Variants in PDE4D observed in about 807,000 individuals in gnomAD.
PDE4D encodes the protein phosphodiesterase 4D, also known as 3',5'-cyclic-AMP phosphodiesterase 4D.
A neutral mutation model predicts 87.4 loss-of-function variants in PDE4D; 24 were observed. That is an observed-to-expected ratio of 0.27 (90% CI 0.20 to 0.39). PDE4D has a LOEUF of 0.39. Ranked by LOEUF, PDE4D falls within the 10% of genes least tolerant of loss-of-function variation. The pLI is 1.00. For missense variants in PDE4D, 714 were observed against 1,041.0 expected (o/e 0.69, Z 4.32); for synonymous variants, 384 against 383.2 (o/e 1.00, Z -0.02).
intron 2 of PDE4D, among the ~76,000 whole-genome samples, chr5:60,051,330 TAACA>T (rs1301785886): frequency 2.6e-5 from 4 of 152,142 alleles, no homozygotes; most frequent in Admixed American, 6.5e-5. Context: ...ACAGAAATCA[TAACA>T]AACAGTCTCT....
At chr5:59,417,509 AT>A (rs1793807258) in intron 1 of PDE4D, among the ~76,000 whole-genome samples, 1 of 152,124 alleles carries the variant, frequency 6.6e-6, no homozygotes, top group Non-Finnish European at 1.5e-5. Context: ...CCAGTAAGAA[AT>A]GTTTGGTTAA....
intron 1 of PDE4D, among the ~76,000 whole-genome samples, chr5:59,228,785 T>C (rs2153515534): frequency 6.6e-6 from 1 of 152,290 alleles, no homozygotes; most frequent in South Asian, 2.1e-4. Context: ...TCTAATCTCA[T>C]CTTTACCTAC....
intron 1 of PDE4D, among the ~76,000 whole-genome samples, chr5:59,725,264 T>C (rs1372624742): frequency 6.6e-6 from 1 of 152,096 alleles, no homozygotes; most frequent in Non-Finnish European, 1.5e-5. Context: ...GCCTTTGCAT[T>C]CTCCACACTG....
intron 1 of PDE4D, among the ~76,000 whole-genome samples, chr5:60,240,013 T>C (rs1243390958): frequency 6.6e-6 from 1 of 152,142 alleles, no homozygotes; most frequent in East Asian, 1.9e-4. Flanking sequence ...AGGGATTATT[T>C]CCAATATACT....
intron 1 of PDE4D, among the ~76,000 whole-genome samples, chr5:59,316,581 AAGG>A (rs1345979537): frequency 6.6e-6 from 1 of 152,192 alleles, no homozygotes; most frequent in South Asian, 2.1e-4. Context: ...ACATGTTCAG[AAGG>A]AGAAGTGGAA....
chr5:59,161,645 A>G (rs923843410), intron 5 of PDE4D, among the ~76,000 whole-genome samples: 8 of 152,186 alleles, frequency 5.3e-5, no homozygotes, highest in African/African-American at 1.9e-4. Context: ...CTTTCAGGTT[A>G]AATTTTAAAG....
chr5:60,496,811 C>G (rs766121957), intron 1 of PDE4D, among the ~76,000 whole-genome samples: 2 of 152,178 alleles, frequency 1.3e-5, no homozygotes, highest in Non-Finnish European at 2.9e-5. Flanking sequence ...GAAATTCTAA[C>G]TGTTCAGATT....
chr5:60,472,959 T>G (rs1747925220), intron 1 of PDE4D, among the ~76,000 whole-genome samples: 1 of 152,044 alleles, frequency 6.6e-6, no homozygotes, highest in Non-Finnish European at 1.5e-5. Flanking sequence ...TTAGGCATAT[T>G]AAATGCATTT....
chr5:59,525,319 TA>T (rs1395891140), intron 1 of PDE4D, among the ~76,000 whole-genome samples: 31 of 152,244 alleles, frequency 2.0e-4, no homozygotes, highest in African/African-American at 7.5e-4. Flanking sequence ...TTTGGAACTT[TA>T]ATGTTTAATG....
intron 1 of PDE4D, among the ~76,000 whole-genome samples, chr5:59,634,085 C>T (rs1037855005): frequency 6.6e-6 from 1 of 152,000 alleles, no homozygotes; most frequent in Non-Finnish European, 1.5e-5. Context: ...GTGTTGTAAT[C>T]CTAGTCTCTG....
At chr5:59,197,294 C>T (rs1200266128) in intron 2 of PDE4D, among the ~76,000 whole-genome samples, 1 of 151,910 alleles carries the variant, frequency 6.6e-6, no homozygotes, top group Non-Finnish European at 1.5e-5. Context: ...ATTTACCAGC[C>T]TTTTTTCCCT....
At chr5:59,332,400 G>A (rs908992224) in intron 1 of PDE4D, among the ~76,000 whole-genome samples, 2 of 152,114 alleles carry the variant, frequency 1.3e-5, no homozygotes, top group Non-Finnish European at 2.9e-5. Flanking sequence ...TCCATTATGA[G>A]TGACATGCTT....
intron 1 of PDE4D, among the ~76,000 whole-genome samples, chr5:60,474,586 C>T (rs1489105978): frequency 6.6e-6 from 1 of 152,106 alleles, no homozygotes; most frequent in African/African-American, 2.4e-5. Context: ...AACCCTTGTC[C>T]CTTTTTAAAT....
intron 1 of PDE4D, among the ~76,000 whole-genome samples, chr5:60,246,375 C>T (rs574656004): frequency 2.6e-5 from 4 of 151,772 alleles, no homozygotes; most frequent in South Asian, 4.1e-4. Flanking sequence ...TCAGATACTG[C>T]CTCTTCCCAA....
At chr5:59,546,770 C>G (rs911599699) in intron 1 of PDE4D, among the ~76,000 whole-genome samples, 2 of 152,118 alleles carry the variant, frequency 1.3e-5, no homozygotes, top group African/African-American at 4.8e-5. Context: ...ACCCACAAAG[C>G]TTCTTTTTCC....
chr5:59,356,741 A>T (rs770789503), intron 1 of PDE4D: 6 of 1,564,056 alleles, frequency 3.8e-6, no homozygotes, highest in Non-Finnish European at 4.3e-6. Flanking sequence ...CTAGCTACAA[A>T]AGGAAAAGAG....
At chr5:60,232,402 C>G (rs1046432209) in intron 1 of PDE4D, among the ~76,000 whole-genome samples, 1 of 151,840 alleles carries the variant, frequency 6.6e-6, no homozygotes, top group Non-Finnish European at 1.5e-5. Flanking sequence ...TGCTTTAATT[C>G]TCTGGTCAGT....
chr5:59,041,121 T>A (rs999858185), intron 5 of PDE4D, among the ~76,000 whole-genome samples: 1 of 152,172 alleles, frequency 6.6e-6, no homozygotes, highest in Non-Finnish European at 1.5e-5. Flanking sequence ...CCTTGCCAGG[T>A]GAATTAAAGT....
intron 1 of PDE4D, among the ~76,000 whole-genome samples, chr5:60,235,180 G>C (rs991584465): frequency 6.6e-6 from 1 of 151,782 alleles, no homozygotes; most frequent in Non-Finnish European, 1.5e-5. Context: ...GCTCCTTAGA[G>C]GGTTAAACTC....
Sources: allele counts gnomAD v4.1 joint callset (sites outside exome capture counted in the v4.1 genomes callset), GRCh38; gene constraint gnomAD v4.1.1; transcripts MANE v1.5; gene names NCBI Gene and HGNC (gene_info 2026-07-23, HGNC 2026-07-21).